Variants in CSMD1 observed in about 807,000 individuals in gnomAD.
CSMD1 encodes the protein CUB and Sushi multiple domains 1, also known as CUB and sushi domain-containing protein 1.
CSMD1 carries 213 observed loss-of-function variants against 417.5 expected under a neutral mutation model. The observed-to-expected ratio is 0.51, with a 90% CI of 0.46 to 0.57. The LOEUF (loss-of-function observed/expected upper bound fraction) is 0.57. CSMD1 is among the 20% of genes least tolerant of loss of function. CSMD1 has a pLI of 0.00. For synonymous variants in CSMD1, 2,862 were observed against 1,736.8 expected (o/e 1.65, Z -16.11); for missense variants, 6,923 against 4,529.7 (o/e 1.53, Z -15.17).
At position 4,942,099 on chromosome 8, in the gene CSMD1, T is replaced by C. The variant is rs768692350; in HGVS notation, c.85+52233A>G. Among the ~76,000 whole-genome samples, 12 of 152,304 alleles carry C rather than the reference T, an allele frequency of 7.9e-5. No individual in the cohort carries two copies. In the East Asian group the frequency reaches 1.9e-3, roughly 25 times the overall value. On this transcript the variant is annotated intron_variant, in intron 1 of 69. Transcript: ENST00000635120. ...TCACTTCCTATTTTTACAGGTAACATTCCACAATTCCTAAATATTCTCTTC... is the reference window on the plus strand; with the variant it reads ...TCACTTCCTATTTTTACAGGTAACACTCCACAATTCCTAAATATTCTCTTC...
chr8:4,551,345 G>C (rs952696795), intron 2 of CSMD1, among the ~76,000 whole-genome samples: 6 of 152,058 alleles, frequency 3.9e-5, no homozygotes, highest in South Asian at 2.1e-4. Flanking sequence ...AGTGCCTTTG[G>C]TGTGCTGTGT....
intron 12 of CSMD1, among the ~76,000 whole-genome samples, chr8:3,424,258 T>G (rs1459214843): frequency 1.3e-5 from 2 of 152,212 alleles, no homozygotes; most frequent in Non-Finnish European, 2.9e-5. Context: ...AATTAGAGTT[T>G]ATCATATTTC....
intron 1 of CSMD1, among the ~76,000 whole-genome samples, chr8:4,799,087 G>A (rs998237196): frequency 1.3e-5 from 2 of 152,138 alleles, no homozygotes; most frequent in South Asian, 2.1e-4. Flanking sequence ...CCGACCCTGC[G>A]CATCTTTCCT....
intron 5 of CSMD1, among the ~76,000 whole-genome samples, chr8:3,840,633 G>A (rs1409759327): frequency 6.6e-6 from 1 of 151,658 alleles, no homozygotes; most frequent in East Asian, 1.9e-4. Context: ...CTGTGTGTGT[G>A]CACTTGCTAG....
At chr8:3,395,751 G>A (rs1034760290) in intron 17 of CSMD1, among the ~76,000 whole-genome samples, 2 of 152,092 alleles carry the variant, frequency 1.3e-5, no homozygotes, top group Non-Finnish European at 2.9e-5. Flanking sequence ...CCAGTGAAAC[G>A]TGTCTATCTA....
chr8:4,787,275 T>C lies in CSMD1; in HGVS notation c.86-149717A>G, dbSNP rs557600716. 2.7e-3 allele frequency: 1,664 copies of C among 623,198 alleles called. 22 individuals are homozygous for C. The highest frequency in any genetic ancestry group is 0.026 in the African/African-American group (1,391 of 54,142). 38.6% of individuals were successfully genotyped at this position (623,198 alleles called of 1,614,324 possible). ...GAGATGCTCTCTGATCACCCCTCTTTTCTAGAGCTCTGCCTCACTTACCGG... is the reference window on the plus strand; with the variant it reads ...GAGATGCTCTCTGATCACCCCTCTTCTCTAGAGCTCTGCCTCACTTACCGG... On this transcript the variant is annotated intron_variant, in intron 1 of 69. Coordinates refer to ENST00000635120, the MANE Select transcript of CSMD1 (RefSeq NM_033225.6).
chr8:4,327,193 AAC>A (rs1357283483), intron 3 of CSMD1, among the ~76,000 whole-genome samples: 2 of 152,220 alleles, frequency 1.3e-5, no homozygotes, highest in African/African-American at 4.8e-5. Flanking sequence ...ATGCAGAAAT[AAC>A]ACATTACATA....
intron 3 of CSMD1, among the ~76,000 whole-genome samples, chr8:4,174,045 G>T (rs1035951038): frequency 6.6e-6 from 1 of 152,164 alleles, no homozygotes; most frequent in Admixed American, 6.5e-5. Flanking sequence ...GAGTTCATTG[G>T]TTTAGGCCTG....
chr8:3,494,310 G>A (rs907132588), intron 10 of CSMD1, among the ~76,000 whole-genome samples: 1 of 152,220 alleles, frequency 6.6e-6, no homozygotes, highest in Non-Finnish European at 1.5e-5. Flanking sequence ...AATGGTTTAT[G>A]TTTGATGTGC....
At chr8:4,005,664 G>A (rs961577134) in intron 4 of CSMD1, among the ~76,000 whole-genome samples, 4 of 152,156 alleles carry the variant, frequency 2.6e-5, no homozygotes, top group African/African-American at 7.2e-5. Context: ...ACTATATTTG[G>A]TGCTTTCTTC....
intron 12 of CSMD1, among the ~76,000 whole-genome samples, chr8:3,442,908 C>G (rs1815083403): frequency 6.6e-6 from 1 of 152,040 alleles, no homozygotes; most frequent in Admixed American, 6.6e-5. Flanking sequence ...AAGTATTCCC[C>G]CATCTATTTT....
chr8:4,927,806 C>T (rs1427152851), intron 1 of CSMD1, among the ~76,000 whole-genome samples: 1 of 152,162 alleles, frequency 6.6e-6, no homozygotes, highest in African/African-American at 2.4e-5. Context: ...TGGCTCCTCT[C>T]CTTCTCACAC....
chr8:3,449,492 C>A (rs11780781), intron 12 of CSMD1, among the ~76,000 whole-genome samples: 1 of 151,704 alleles, frequency 6.6e-6, no homozygotes, highest in Non-Finnish European at 1.5e-5. Flanking sequence ...TGGTGAAGAA[C>A]AAAATGAACA....
At chr8:3,022,681 A>G (rs1809541232) in intron 51 of CSMD1, among the ~76,000 whole-genome samples, 1 of 19,598 alleles carries the variant, frequency 5.1e-5, no homozygotes, top group African/African-American at 2.1e-4. Context: ...ATTCTAGCTA[A>G]AAAAAAAAAA....
chr8:3,270,036 C>G (rs1208219060), intron 26 of CSMD1, among the ~76,000 whole-genome samples: 1 of 139,874 alleles, frequency 7.1e-6, no homozygotes, highest in Non-Finnish European at 1.5e-5. Context: ...AGGACTTTCT[C>G]TAACCTCTTC....
intron 23 of CSMD1, among the ~76,000 whole-genome samples, chr8:3,315,899 A>G (rs1253368545): frequency 6.6e-6 from 1 of 152,232 alleles, no homozygotes; most frequent in African/African-American, 2.4e-5. Flanking sequence ...CATTACATTA[A>G]TCCCAAGTGA....
chr8:4,264,687 G>C (rs748244760), intron 3 of CSMD1, among the ~76,000 whole-genome samples: 3 of 152,130 alleles, frequency 2.0e-5, no homozygotes, highest in Non-Finnish European at 2.9e-5. Context: ...CCCAGAATAA[G>C]GGGAACAGGG....
intron 3 of CSMD1, among the ~76,000 whole-genome samples, chr8:4,271,027 A>G (rs1804556761): frequency 6.6e-6 from 1 of 152,192 alleles, no homozygotes; most frequent in Non-Finnish European, 1.5e-5. Flanking sequence ...CCTAGTGGGA[A>G]GAGAGTTAAA....
intron 2 of CSMD1, among the ~76,000 whole-genome samples, chr8:4,590,748 T>C (rs563391826): frequency 1.3e-5 from 2 of 152,330 alleles, no homozygotes; most frequent in South Asian, 4.1e-4. Flanking sequence ...TTTGGTTTTC[T>C]TTTGCTTATC....
Sources: gnomAD v4.1 joint callset for allele counts (sites outside exome capture counted in the v4.1 genomes callset) on GRCh38, gnomAD v4.1.1 for gene constraint, MANE v1.5 for transcripts, NCBI Gene and HGNC (gene_info 2026-07-23, HGNC 2026-07-21) for gene names.